The following UBL3 variants were observed in gnomAD, a reference collection of about 807,000 sequenced individuals.
The protein encoded by UBL3 is ubiquitin-like protein 3.
A neutral mutation model predicts 18.4 loss-of-function variants in UBL3; 6 were observed. The ratio of observed to expected loss-of-function variants is 0.33; its 90% CI spans 0.18 to 0.64. The LOEUF (loss-of-function observed/expected upper bound fraction) is 0.64. UBL3 is among the 30% of genes least tolerant of loss of function. The pLI is 0.76. For synonymous variants in UBL3, 49 were observed against 46.6 expected (o/e 1.05, Z -0.21); for missense variants, 109 against 142.9 (o/e 0.76, Z 1.21).
At chr13:29,777,576 T>C in intron 1 of UBL3, 1 of 424,702 alleles carries the variant, frequency 2.4e-6, no homozygotes, top group Non-Finnish European at 4.6e-6. Context: ...TTGCAAGTTA[T>C]CACTATTATT....
rs116959981 is a variant in UBL3, at chr13:29,768,914, A to G, written c.224-1219T>C. On this transcript the variant is annotated intron_variant, in intron 3 of 4. Transcript: ENST00000380680. ...TTAAAATGTACACATACCAAGCTGT[A>G]TATCATTCTCATACCCGTCTTCTTG... 2.9e-3 allele frequency among the ~76,000 whole-genome samples: 440 copies of G among 152,248 alleles called. 2 individuals are homozygous for G. Among genetic ancestry groups the G allele is most frequent in the Admixed American group, 5.4e-3 (83 of 15,276 alleles).
At chr13:29,803,434 A>G (rs1002034777) in intron 1 of UBL3, among the ~76,000 whole-genome samples, 15 of 152,218 alleles carry the variant, frequency 9.9e-5, no homozygotes, top group African/African-American at 3.6e-4. Context: ...ACACATATCA[A>G]TATTAACCTT....
chr13:29,802,707 C>T (rs1373019321), intron 1 of UBL3, among the ~76,000 whole-genome samples: 6 of 152,094 alleles, frequency 3.9e-5, no homozygotes, highest in African/African-American at 1.4e-4. Context: ...GCAAGAGTCT[C>T]AAAGCCTGAG....
At chr13:29,792,923 A>G (rs1372848980) in intron 1 of UBL3, among the ~76,000 whole-genome samples, 2 of 152,212 alleles carry the variant, frequency 1.3e-5, no homozygotes, top group Non-Finnish European at 2.9e-5. Flanking sequence ...CATACTTTCT[A>G]AGCTAAGAAT....
chr13:29,818,372 T>C (rs944154345), intron 1 of UBL3, among the ~76,000 whole-genome samples: 3 of 152,184 alleles, frequency 2.0e-5, no homozygotes, highest in African/African-American at 7.2e-5. Context: ...CATCAATTAT[T>C]TAAACGACTA....
intron 1 of UBL3, among the ~76,000 whole-genome samples, chr13:29,834,135 C>G (rs184288844): frequency 4.7e-5 from 7 of 150,110 alleles, no homozygotes; most frequent in African/African-American, 1.7e-4. Flanking sequence ...GAGCTGAGAT[C>G]GCGCCACAGT....
intron 2 of UBL3, among the ~76,000 whole-genome samples, chr13:29,775,682 G>A (rs1876965146): frequency 6.6e-6 from 1 of 152,026 alleles, no homozygotes; most frequent in Non-Finnish European, 1.5e-5. Flanking sequence ...GACGCATAAT[G>A]TCAGCTCACT....
chr13:29,837,609 CCCAA>C (rs1878991150), intron 1 of UBL3, among the ~76,000 whole-genome samples: 1 of 152,018 alleles, frequency 6.6e-6, no homozygotes, highest in East Asian at 1.9e-4. Flanking sequence ...TGCCTATAAT[CCCAA>C]CACTTTGTAA....
At chr13:29,774,923 C>T (rs937952872) in intron 2 of UBL3, among the ~76,000 whole-genome samples, 1 of 152,136 alleles carries the variant, frequency 6.6e-6, no homozygotes, top group African/African-American at 2.4e-5. Flanking sequence ...TGGTGCCAAG[C>T]AGTCAGTACT....
In UBL3 at chr13:29,824,559, T is replaced by C. The variant is rs919650725; in HGVS notation, c.27+24953A>G. ...TCGCCCACTTGTTGCTGGGGTTGTT[T>C]TTTTTCTTGTAAATTTGTTTGAGTT... is the stretch of plus-strand genomic sequence containing the variant. On this transcript the variant is annotated intron_variant, in intron 1 of 4. Coordinates refer to ENST00000380680, the MANE Select transcript of UBL3 (RefSeq NM_007106.4). Among the ~76,000 whole-genome samples the C allele has an allele frequency of 2.0e-5, 3 of 152,316 alleles. No homozygotes were observed. In the East Asian group the frequency reaches 5.8e-4, roughly 29 times the overall value.
chr13:29,824,481 G>A (rs1029464176), intron 1 of UBL3, among the ~76,000 whole-genome samples: 8 of 152,248 alleles, frequency 5.3e-5, no homozygotes, highest in African/African-American at 1.4e-4. Flanking sequence ...ATTTCTTCAC[G>A]TGCCCATTGG....
chr13:29,788,976 C>A (rs928600045), intron 1 of UBL3, among the ~76,000 whole-genome samples: 1 of 151,778 alleles, frequency 6.6e-6, no homozygotes, highest in African/African-American at 2.4e-5. Flanking sequence ...CTCGGCTCAC[C>A]GCAACCTCCA....
intron 3 of UBL3, among the ~76,000 whole-genome samples, chr13:29,767,942 A>T (rs1329970637): frequency 6.6e-6 from 1 of 152,118 alleles, no homozygotes; most frequent in African/African-American, 2.4e-5. Flanking sequence ...AGATGATATA[A>T]GAAAAAATAT....
intron 1 of UBL3, among the ~76,000 whole-genome samples, chr13:29,839,834 G>A (rs928032469): frequency 6.6e-6 from 1 of 151,744 alleles, no homozygotes; most frequent in South Asian, 2.1e-4. Flanking sequence ...GGCTGAGGCA[G>A]GAGAATGGCG....
chr13:29,787,520 C>A (rs1395278299), intron 1 of UBL3, among the ~76,000 whole-genome samples: 1 of 152,074 alleles, frequency 6.6e-6, no homozygotes, highest in Non-Finnish European at 1.5e-5. Flanking sequence ...AGTTCAAAAT[C>A]CTGTAAGCTT....
chr13:29,839,421 T>C (rs71434762), intron 1 of UBL3, among the ~76,000 whole-genome samples: 6,902 of 152,252 alleles, frequency 0.045, 224 homozygotes, highest in Middle Eastern at 0.092. Flanking sequence ...AACAAACTTG[T>C]AAGATCCATC....
At chr13:29,835,781 A>C (rs868290103) in intron 1 of UBL3, among the ~76,000 whole-genome samples, 1 of 143,338 alleles carries the variant, frequency 7.0e-6, no homozygotes, top group South Asian at 2.2e-4. Context: ...AAAAAAAAAA[A>C]GTATATTGAT....
intron 1 of UBL3, among the ~76,000 whole-genome samples, chr13:29,811,530 A>G (rs1279736110): frequency 5.9e-5 from 9 of 152,084 alleles, no homozygotes; most frequent in Admixed American, 5.9e-4. Flanking sequence ...TGCTGCAAAG[A>G]AGAGAGAGCT....
chr13:29,821,169 C>G (rs1854411845), intron 1 of UBL3, among the ~76,000 whole-genome samples: 1 of 151,996 alleles, frequency 6.6e-6, no homozygotes, highest in South Asian at 2.1e-4. Flanking sequence ...AAAAATAACA[C>G]AAAGAAGAAG....
Sources: gnomAD v4.1 joint callset for allele counts (sites outside exome capture counted in the v4.1 genomes callset) on GRCh38, gnomAD v4.1.1 for gene constraint, MANE v1.5 for transcripts, NCBI Gene and HGNC (gene_info 2026-07-23, HGNC 2026-07-21) for gene names.